The following RORA variants were observed in gnomAD, a reference collection of about 807,000 sequenced individuals.
The protein encoded by RORA is nuclear receptor ROR-alpha.
Under a neutral mutation model 69.5 loss-of-function variants are expected in RORA, and 7 were observed. That is an observed-to-expected ratio of 0.10 (90% CI 0.06 to 0.19). RORA has a LOEUF of 0.19. Among genes scored for constraint, RORA ranks in the 10% least tolerant of loss-of-function variants. The pLI is 1.00. For synonymous variants in RORA, 261 were observed against 240.8 expected (o/e 1.08, Z -0.78); for missense variants, 457 against 663.0 (o/e 0.69, Z 3.41).
chr15:61,022,452 C>T (rs903200079), intron 1 of RORA, among the ~76,000 whole-genome samples: 1 of 152,102 alleles, frequency 6.6e-6, no homozygotes, highest in African/African-American at 2.4e-5. Flanking sequence ...CTTATAGGCA[C>T]CATCTTTTTC....
At chr15:61,126,470 TAA>T (rs2079143404) in intron 1 of RORA, among the ~76,000 whole-genome samples, 1 of 152,180 alleles carries the variant, frequency 6.6e-6, no homozygotes, top group Non-Finnish European at 1.5e-5. Context: ...TCATCCTAAC[TAA>T]AATTCTATAC....
intron 1 of RORA, among the ~76,000 whole-genome samples, chr15:61,056,948 T>A (rs1285975037): frequency 6.6e-6 from 1 of 152,250 alleles, no homozygotes; most frequent in African/African-American, 2.4e-5. Flanking sequence ...AGCTGTACCA[T>A]GAAAAGGCGA....
intron 1 of RORA, among the ~76,000 whole-genome samples, chr15:61,117,476 C>A (rs1021640719): frequency 6.6e-6 from 1 of 152,188 alleles, no homozygotes; most frequent in Admixed American, 6.5e-5. Flanking sequence ...TGCCTAAGTA[C>A]CTCCCAAAGT....
At chr15:60,565,182 C>G (rs2067682020) in intron 2 of RORA, among the ~76,000 whole-genome samples, 1 of 152,150 alleles carries the variant, frequency 6.6e-6, no homozygotes, top group Non-Finnish European at 1.5e-5. Flanking sequence ...GCTATATTCC[C>G]AAGAATTCTC....
chr15:60,752,815 C>T (rs2071745324), intron 1 of RORA, among the ~76,000 whole-genome samples: 1 of 152,184 alleles, frequency 6.6e-6, no homozygotes, highest in Non-Finnish European at 1.5e-5. Flanking sequence ...CCCAAACACA[C>T]ATTTCCGTCT....
At chr15:60,794,769 G>A (rs1382843790) in intron 1 of RORA, among the ~76,000 whole-genome samples, 3 of 152,176 alleles carry the variant, frequency 2.0e-5, no homozygotes, top group Non-Finnish European at 1.5e-5. Flanking sequence ...TCAACCAGAG[G>A]CAGAGAAAAA....
At chr15:60,570,075 G>A (rs1305744082) in intron 2 of RORA, among the ~76,000 whole-genome samples, 1 of 152,142 alleles carries the variant, frequency 6.6e-6, no homozygotes, top group Non-Finnish European at 1.5e-5. Context: ...GGGAGGTGAA[G>A]GGGACAGATC....
At chr15:60,509,944 T>G (rs2065641725) in intron 5 of RORA, among the ~76,000 whole-genome samples, 1 of 152,216 alleles carries the variant, frequency 6.6e-6, no homozygotes, top group Non-Finnish European at 1.5e-5. Flanking sequence ...AGGATTTAAA[T>G]TTAGACCCAT....
At chr15:61,141,996 T>A (rs941174533) in intron 1 of RORA, among the ~76,000 whole-genome samples, 2 of 151,900 alleles carry the variant, frequency 1.3e-5, no homozygotes, top group African/African-American at 4.8e-5. Context: ...GGAGGGTAAA[T>A]ATGGGGAAAG....
At chr15:60,974,981 A>G (rs1893835142) in intron 1 of RORA, among the ~76,000 whole-genome samples, 1 of 152,232 alleles carries the variant, frequency 6.6e-6, no homozygotes, top group African/African-American at 2.4e-5. Context: ...ACAAGTGTGG[A>G]CCTGAAGAGG....
At chr15:61,041,503 GCTT>G (rs1237347296) in intron 1 of RORA, among the ~76,000 whole-genome samples, 2 of 152,168 alleles carry the variant, frequency 1.3e-5, no homozygotes, top group Non-Finnish European at 2.9e-5. Flanking sequence ...CTCATTTGAA[GCTT>G]ATTATATTTC....
rs340004 is a variant in RORA at position 60,584,350 on chromosome 15, C to G, written c.197-52499G>C. Among the ~76,000 whole-genome samples the G allele has an allele frequency of 2.4e-3, 373 of 152,338 alleles. 3 individuals are homozygous for G. Among genetic ancestry groups the G allele is most frequent in the African/African-American group, 8.6e-3 (357 of 41,560 alleles). Reference sequence around the variant, plus strand: ...GGCTTATGTGGAAGCAAATCATGTTCATCCATAAGTATAGGGTTTGACTTT... The same window carrying G: ...GGCTTATGTGGAAGCAAATCATGTTGATCCATAAGTATAGGGTTTGACTTT... On this transcript the variant is annotated intron_variant, in intron 2 of 10. Transcript: ENST00000335670.
intron 1 of RORA, among the ~76,000 whole-genome samples, chr15:61,187,459 G>A (rs534891729): frequency 6.6e-6 from 1 of 152,298 alleles, no homozygotes; most frequent in African/African-American, 2.4e-5. Context: ...GAGCCTCCAG[G>A]GGGAGGATAG....
chr15:60,602,308 TTAAA>T (rs1180419200), intron 2 of RORA, among the ~76,000 whole-genome samples: 1 of 152,208 alleles, frequency 6.6e-6, no homozygotes, highest in Non-Finnish European at 1.5e-5. Context: ...TTGCCTATCA[TTAAA>T]TAATCATATT....
At position 60,529,476 on chromosome 15, in the gene RORA, T is replaced by C. The variant is rs139503407; in HGVS notation, c.282+2290A>G. The C allele has an allele frequency of 1.6e-4, 24 of 152,364 alleles. No individual in the cohort carries two copies. In the East Asian group the frequency reaches 4.4e-3, roughly 28 times the overall value. 9.4% of individuals were successfully genotyped at this position (152,364 alleles called of 1,614,324 possible). A position where few individuals can be genotyped will look rare whatever the true frequency, so the allele number is the denominator to read the frequency against. On this transcript the variant is annotated intron_variant, in intron 3 of 10. Transcript: ENST00000335670. Reference sequence around the variant, plus strand: ...ATGAAACATTGTTCAAGTCCCTGGCTAGGCATAGGCCCAATCTGTTAATAA... The same window carrying C: ...ATGAAACATTGTTCAAGTCCCTGGCCAGGCATAGGCCCAATCTGTTAATAA...
chr15:61,016,523 T>G (rs7173645), intron 1 of RORA, among the ~76,000 whole-genome samples: 16,036 of 152,160 alleles, frequency 0.11, 1,239 homozygotes, highest in East Asian at 0.29. Context: ...AGGTAAAGTA[T>G]ATAACAATTC....
intron 1 of RORA, among the ~76,000 whole-genome samples, chr15:60,992,232 A>T (rs2140370712): frequency 6.6e-6 from 1 of 152,330 alleles, no homozygotes; most frequent in East Asian, 1.9e-4. Flanking sequence ...GAAGAGGAAA[A>T]AATGGAAGAC....
At position 60,788,453 on chromosome 15, in the gene RORA, C is replaced by T. The variant is rs539835383; in HGVS notation, c.167-109767G>A. Among the ~76,000 whole-genome samples the T allele has an allele frequency of 3.9e-5, 6 of 152,314 alleles. No individual in the cohort carries two copies. The South Asian group carries it at 8.3e-4, about 21-fold the overall frequency. ...GAAGTTAAGGGTTCCAAACTCCCCT[C>T]GATTGACTGCTATGTGACGTGTGCT... On this transcript the variant is annotated intron_variant, in intron 1 of 10. Coordinates refer to ENST00000335670, the MANE Select transcript of RORA (RefSeq NM_134261.3).
chr15:60,755,236 T>C (rs1284435785), intron 1 of RORA, among the ~76,000 whole-genome samples: 1 of 150,362 alleles, frequency 6.7e-6, no homozygotes, highest in Non-Finnish European at 1.5e-5. Context: ...CATGTGGTGT[T>C]TGGTTTTTTG....
Sources: allele counts gnomAD v4.1 joint callset (sites outside exome capture counted in the v4.1 genomes callset), GRCh38; gene constraint gnomAD v4.1.1; transcripts MANE v1.5; gene names NCBI Gene and HGNC (gene_info 2026-07-23, HGNC 2026-07-21).